UBE2E2: variants seen among roughly 807,000 people sequenced by gnomAD.
The protein encoded by UBE2E2 is ubiquitin conjugating enzyme E2 E2.
A neutral mutation model predicts 24.7 loss-of-function variants in UBE2E2; 6 were observed. The observed-to-expected ratio is 0.24, with a 90% CI of 0.13 to 0.48. The LOEUF (loss-of-function observed/expected upper bound fraction) is 0.48. Ranked by LOEUF, UBE2E2 falls within the 20% of genes least tolerant of loss-of-function variation. The pLI is 0.99. For missense variants in UBE2E2, 169 were observed against 245.0 expected, an observed-to-expected ratio of 0.69 and a Z score of 2.07; for synonymous variants, 104 against 83.6, an observed-to-expected ratio of 1.24 and a Z score of -1.33.
intron 3 of UBE2E2, among the ~76,000 whole-genome samples, chr3:23,376,476 G>C (rs548057116): frequency 2.6e-4 from 39 of 152,366 alleles, no homozygotes; most frequent in Non-Finnish European, 4.3e-4. Flanking sequence ...CACAAAGTGA[G>C]TAAGTTCCAA....
At chr3:23,415,923 T>C (rs1407485918) in intron 3 of UBE2E2, among the ~76,000 whole-genome samples, 1 of 151,920 alleles carries the variant, frequency 6.6e-6, no homozygotes, top group African/African-American at 2.4e-5. Flanking sequence ...GGCCCCAGTG[T>C]GTGATGTTCC....
At chr3:23,526,278 C>A (rs1363133064) in intron 4 of UBE2E2, among the ~76,000 whole-genome samples, 1 of 152,054 alleles carries the variant, frequency 6.6e-6, no homozygotes, top group Non-Finnish European at 1.5e-5. Context: ...AATATTATAA[C>A]CTGTAGGAAA....
chr3:23,475,104 A>G (rs1699099738), intron 3 of UBE2E2, among the ~76,000 whole-genome samples: 1 of 151,890 alleles, frequency 6.6e-6, no homozygotes, highest in South Asian at 2.1e-4. Context: ...CTGTGATACC[A>G]TATGCCCCTG....
At chr3:23,299,308 T>C (rs1699005091) in intron 3 of UBE2E2, among the ~76,000 whole-genome samples, 1 of 152,232 alleles carries the variant, frequency 6.6e-6, no homozygotes, top group South Asian at 2.1e-4. Context: ...ATTTTAGTTA[T>C]TTCTTGCCTT....
chr3:23,326,920 G>A (rs996470701), intron 3 of UBE2E2, among the ~76,000 whole-genome samples: 3 of 152,064 alleles, frequency 2.0e-5, no homozygotes, highest in Admixed American at 1.3e-4. Flanking sequence ...GAGAACATGC[G>A]ATGTTTGGTT....
At chr3:23,542,563 A>C (rs116237123) in intron 5 of UBE2E2, among the ~76,000 whole-genome samples, 2 of 152,080 alleles carry the variant, frequency 1.3e-5, no homozygotes, top group Non-Finnish European at 2.9e-5. Context: ...CATGGTGGAG[A>C]GAGAGTGTTT....
intron 5 of UBE2E2, among the ~76,000 whole-genome samples, chr3:23,546,002 A>ATGTCT (rs1187087659): frequency 6.6e-6 from 1 of 152,088 alleles, no homozygotes; most frequent in African/African-American, 2.4e-5. Flanking sequence ...GAGACTCAGA[A>ATGTCT]GAGAGGAGGT....
intron 3 of UBE2E2, among the ~76,000 whole-genome samples, chr3:23,223,178 C>A (rs140771681): frequency 0.011 from 1,601 of 149,896 alleles, 25 homozygotes; most frequent in African/African-American, 0.036. Context: ...TGCCACCATG[C>A]TCAGCTGATT....
intron 1 of UBE2E2, among the ~76,000 whole-genome samples, chr3:23,206,803 G>A (rs1197723745): frequency 1.3e-5 from 2 of 152,122 alleles, no homozygotes; most frequent in African/African-American, 4.8e-5. Flanking sequence ...TTTCATCAGT[G>A]TCAAATAGCT....
At chr3:23,206,777 T>G (rs1185920302) in intron 1 of UBE2E2, among the ~76,000 whole-genome samples, 1 of 152,230 alleles carries the variant, frequency 6.6e-6, no homozygotes, top group Non-Finnish European at 1.5e-5. Context: ...AAGTTAAATC[T>G]TTAGTGATGA....
chr3:23,560,211 T>G lies in UBE2E2; in HGVS notation c.508+27510T>G, dbSNP rs566348166. On this transcript the variant is annotated intron_variant, in intron 5 of 5. Coordinates refer to ENST00000396703, the MANE Select transcript of UBE2E2 (RefSeq NM_152653.4). ...ATCTCCGAATGCTATACCTCCCCCC[T>G]CCCCCTCCCCCCACCCCACAACAGG... Among the ~76,000 whole-genome samples, 38 of 48,300 alleles carry G rather than the reference T, an allele frequency of 7.9e-4. No homozygotes were observed. In the South Asian group the frequency reaches 0.038, roughly 49 times the overall value. The allele number at this position is 48,300 out of a possible 152,430, so 31.7% of individuals were successfully genotyped here.
At chr3:23,321,123 T>A (rs1257026128) in intron 3 of UBE2E2, among the ~76,000 whole-genome samples, 2 of 152,380 alleles carry the variant, frequency 1.3e-5, no homozygotes, top group Non-Finnish European at 2.9e-5. Flanking sequence ...TTTTCTCATG[T>A]GTCTGTGTCT....
At chr3:23,462,512 C>G (rs952060532) in intron 3 of UBE2E2, among the ~76,000 whole-genome samples, 1 of 152,024 alleles carries the variant, frequency 6.6e-6, no homozygotes, top group Non-Finnish European at 1.5e-5. Context: ...CACGACGAAC[C>G]CTGAATCCTC....
chr3:23,235,200 G>A (rs1232704355), intron 3 of UBE2E2, among the ~76,000 whole-genome samples: 1 of 152,136 alleles, frequency 6.6e-6, no homozygotes, highest in East Asian at 1.9e-4. Context: ...AGCTGGGGAA[G>A]TAAACAGACA....
At chr3:23,332,776 G>A (rs139504952) in intron 3 of UBE2E2, among the ~76,000 whole-genome samples, 1 of 151,598 alleles carries the variant, frequency 6.6e-6, no homozygotes, top group Non-Finnish European at 1.5e-5. Context: ...TTGAGAAAAG[G>A]AGTAGTATTT....
At chr3:23,344,835 A>T (rs1433154628) in intron 3 of UBE2E2, among the ~76,000 whole-genome samples, 1 of 148,214 alleles carries the variant, frequency 6.7e-6, no homozygotes, top group Non-Finnish European at 1.5e-5. Context: ...AAAAAAAAAA[A>T]TTAAATGTTG....
At chr3:23,569,613 C>A (rs1174596304) in intron 5 of UBE2E2, among the ~76,000 whole-genome samples, 2 of 152,110 alleles carry the variant, frequency 1.3e-5, no homozygotes, top group Admixed American at 1.3e-4. Flanking sequence ...GTGTGGACCT[C>A]TGGTATCTTA....
chr3:23,360,783 G>A (rs1696092337), intron 3 of UBE2E2, among the ~76,000 whole-genome samples: 1 of 151,950 alleles, frequency 6.6e-6, no homozygotes, highest in Non-Finnish European at 1.5e-5. Context: ...TGTAAATTTA[G>A]TATGAAACAT....
chr3:23,547,742 A>G (rs906392787), intron 5 of UBE2E2, among the ~76,000 whole-genome samples: 21 of 152,202 alleles, frequency 1.4e-4, no homozygotes, highest in Non-Finnish European at 2.5e-4. Context: ...CTCTTCCTAA[A>G]TAGGAGACAT....
Sources: gnomAD v4.1 joint callset for allele counts (sites outside exome capture counted in the v4.1 genomes callset) on GRCh38, gnomAD v4.1.1 for gene constraint, MANE v1.5 for transcripts, NCBI Gene and HGNC (gene_info 2026-07-23, HGNC 2026-07-21) for gene names.